CPSF2: variants seen among roughly 807,000 people sequenced by gnomAD.
CPSF2 encodes cleavage and polyadenylation specificity factor subunit 2.
In CPSF2, 51 loss-of-function variants were observed where a neutral mutation model predicts 84.2. The ratio of observed to expected loss-of-function variants is 0.61; its 90% CI spans 0.48 to 0.77. The LOEUF (loss-of-function observed/expected upper bound fraction) is 0.77. Among genes scored for constraint, CPSF2 ranks in the 30% least tolerant of loss-of-function variants. The probability of loss-of-function intolerance (pLI) is 0.00; values close to 1 mark genes in which losing one functional copy is unlikely to be tolerated. For synonymous variants in CPSF2, 286 were observed against 311.9 expected, an observed-to-expected ratio of 0.92 and a Z score of 0.87; for missense variants, 641 against 929.4, an observed-to-expected ratio of 0.69 and a Z score of 4.03.
intron 2 of CPSF2, 67 bp downstream of exon 2, chr14:92,126,247 A>T (rs974750835): frequency 6.6e-6 from 1 of 152,238 alleles, no homozygotes; most frequent in Non-Finnish European, 1.5e-5. Context: ...ATATCTTTTC[A>T]TCTGTTGAAA....
intron 13 of CPSF2, among the ~76,000 whole-genome samples, chr14:92,158,732 T>C (rs1369464275): frequency 6.6e-6 from 1 of 152,208 alleles, no homozygotes; most frequent in Non-Finnish European, 1.5e-5. Flanking sequence ...CGCTCTGATA[T>C]ACTTTTTGTT....
chr14:92,130,576 C>G (rs989579053), intron 2 of CPSF2, among the ~76,000 whole-genome samples: 1 of 152,072 alleles, frequency 6.6e-6, no homozygotes, highest in African/African-American at 2.4e-5. Context: ...TACATGTATA[C>G]TAATACTAAT....
chr14:92,123,384 G>A (rs28698177), intron 1 of CPSF2, among the ~76,000 whole-genome samples: 1 of 151,460 alleles, frequency 6.6e-6, no homozygotes, highest in African/African-American at 2.4e-5. Context: ...GATTACAGGC[G>A]TGAGCCACCG....
intron 8 of CPSF2, 151 bp from the exon 9 acceptor site, chr14:92,142,853 G>A (rs1263930768): frequency 1.5e-6 from 1 of 686,580 alleles, no homozygotes; most frequent in Non-Finnish European, 2.4e-6. Context: ...AATGGGAAAT[G>A]GAAGCAGAAA....
intron 2 of CPSF2, among the ~76,000 whole-genome samples, chr14:92,126,673 C>T (rs149025166): frequency 2.2e-4 from 34 of 151,958 alleles, no homozygotes; most frequent in African/African-American, 7.7e-4. Context: ...TGTGGTGGTG[C>T]GTGCCCGTAG....
intron 1 of CPSF2, among the ~76,000 whole-genome samples, chr14:92,122,641 TC>T (rs559378635): frequency 1.4e-3 from 211 of 152,320 alleles, no homozygotes; most frequent in African/African-American, 5.0e-3. Flanking sequence ...CTTCGCGCCC[TC>T]CCGCCATCGC....
chr14:92,155,055 A>C, intron 10 of CPSF2, 68 bp from the exon 11 acceptor site: 2 of 1,020,906 alleles, frequency 2.0e-6, no homozygotes, highest in East Asian at 5.3e-5. Context: ...TCAGTAATAA[A>C]TTGATAAATA....
chr14:92,125,176 A>G (rs2068829893), intron 1 of CPSF2, among the ~76,000 whole-genome samples: 1 of 152,180 alleles, frequency 6.6e-6, no homozygotes, highest in Non-Finnish European at 1.5e-5. Context: ...TACTGGAGGC[A>G]GAGAAACTGA....
chr14:92,156,376 T>G, intron 11 of CPSF2, 103 bp from the exon 12 acceptor site: 295 of 769,066 alleles, frequency 3.8e-4, no homozygotes, highest in Non-Finnish European at 4.8e-4. Context: ...ATTTAAATCT[T>G]GAGATATGTG....
chr14:92,165,092 T>A lies in CPSF2; in HGVS notation c.*3348T>A, dbSNP rs1197606070. ...ATGTTTTCAGAGTGCATCACTGTTG[T>A]AACATGTATCAGTACCCTTTTTGTG... On this transcript the variant is annotated 3_prime_UTR_variant, in exon 16 of 16. Transcript: ENST00000298875. 1 of 152,258 alleles carries A rather than the reference T, an allele frequency of 6.6e-6. No homozygotes were observed. Among genetic ancestry groups the A allele is most frequent in the Admixed American group, 6.5e-5 (1 of 15,286 alleles). The allele number at this position is 152,258 out of a possible 1,614,324, so 9.4% of individuals were successfully genotyped here.
chr14:92,143,009 A>G lies in CPSF2; in HGVS notation c.855A>G (p.Glu285=), dbSNP rs1464792764. ...CATCTTTCCCCCCATGTTAGGTAGA[A>G]TGGATGAGTGATAAATTGATGAGAT... is the stretch of plus-strand genomic sequence containing the variant. The part of the protein sequence containing the change: ...NVVEFSKSQV[E]WMSDKLMRCF... The change falls in exon 9 of 16, where the codon GAA becomes GAG. Residue 285 remains glutamate, a synonymous_variant. Coordinates refer to ENST00000298875, the MANE Select transcript of CPSF2 (RefSeq NM_017437.3). 1.2e-6 allele frequency: 2 copies of G among 1,608,658 alleles called. No homozygotes were observed. Among genetic ancestry groups the G allele is most frequent in the African/African-American group, 1.3e-5 (1 of 74,870 alleles).
chr14:92,159,306 G>T (rs775236277), intron 14 of CPSF2, 24 bp downstream of exon 14: 27 of 1,535,600 alleles, frequency 1.8e-5, no homozygotes, highest in South Asian at 5.0e-5. Flanking sequence ...GTGCTTTTTT[G>T]ATTTCTTCCT....
In CPSF2 at chr14:92,159,262, G is replaced by C. The variant is rs769279245; in HGVS notation, c.2101G>C (p.Glu701Gln). 2.5e-6 allele frequency: 4 copies of C among 1,603,330 alleles called. 1 individual carries two copies. The South Asian group carries it at 4.5e-5, about 18-fold the overall frequency. Residue 701 changes from glutamate to glutamine, a missense_variant, in exon 14 of 16, where the codon GAA becomes CAA. Around this residue, in one of 2 missense-constraint regions of CPSF2, gnomAD observed 430 missense variants for 553.6 expected, o/e 0.78. Coordinates refer to ENST00000298875, the MANE Select transcript of CPSF2 (RefSeq NM_017437.3). ...AGAAAGTGAGATCATTCCTACTTTG[G>C]AACCCTTGCCACCTCATGAGGTAAA... ...GEESEIIPTLEPLPPHEVPGH... is the reference protein window; with the variant it reads ...GEESEIIPTLQPLPPHEVPGH...
Position 92,134,190 on chromosome 14 carries a change from A to C in CPSF2, c.309+20A>C. On this transcript the variant is annotated intron_variant, in intron 4 of 15. Transcript: ENST00000298875. Reference sequence around the variant, plus strand: ...TATCAGGTAATTTAAGCAATTAAAAAAATTTTGTTAGCACTCCTTCAGTGA... The same window carrying C: ...TATCAGGTAATTTAAGCAATTAAAACAATTTTGTTAGCACTCCTTCAGTGA... 6.2e-7 allele frequency: 1 copy of C among 1,613,354 alleles called. No homozygotes were observed. Among genetic ancestry groups the C allele is most frequent in the Non-Finnish European group, 8.5e-7 (1 of 1,179,336 alleles).
At chr14:92,137,838 C>T (rs991895452) in intron 6 of CPSF2, among the ~76,000 whole-genome samples, 1 of 151,890 alleles carries the variant, frequency 6.6e-6, no homozygotes, top group African/African-American at 2.4e-5. Context: ...TTTTTATGTC[C>T]TGGGTAAAAA....
chr14:92,128,474 T>G (rs1393322630), intron 2 of CPSF2, among the ~76,000 whole-genome samples: 1 of 152,088 alleles, frequency 6.6e-6, no homozygotes, highest in Admixed American at 6.6e-5. Flanking sequence ...AGAGTGAGAC[T>G]CCGTCTCAAA....
At chr14:92,135,717 C>T (rs1484248234) in intron 6 of CPSF2, among the ~76,000 whole-genome samples, 1 of 152,220 alleles carries the variant, frequency 6.6e-6, no homozygotes, top group African/African-American at 2.4e-5. Context: ...TAAGTATACA[C>T]TCTACAAAAC....
intron 9 of CPSF2, among the ~76,000 whole-genome samples, chr14:92,144,797 G>T (rs1195764939): frequency 1.3e-5 from 2 of 152,148 alleles, no homozygotes; most frequent in African/African-American, 4.8e-5. Flanking sequence ...CTCACGGTAA[G>T]GTAATTGTAT....
At position 92,154,404 on chromosome 14, in the gene CPSF2, T is replaced by C; in HGVS notation, c.1187T>C (p.Leu396Ser). The C allele has an allele frequency of 6.2e-7, 1 of 1,610,392 alleles. No individual in the cohort carries two copies. Among genetic ancestry groups the C allele is most frequent in the Non-Finnish European group, 8.5e-7 (1 of 1,178,968 alleles). Residue 396 changes from leucine to serine, a missense_variant, in exon 10 of 16, where the codon TTG becomes TCG. By Grantham distance (145) the Leu-to-Ser change is moderately radical. This residue lies in a region of CPSF2 where 430 missense variants were observed against 553.6 expected (regional missense o/e 0.78). Transcript: ENST00000298875. The part of the protein sequence containing the change: ...KLEGKELEEY[L>S]EKEKLKKEAA... ...GAAGGGAAAGAACTTGAAGAATACT[T>C]GGAAAAAGAGAAACTAAAGAAAGAA...
Sources: allele counts gnomAD v4.1 joint callset (sites outside exome capture counted in the v4.1 genomes callset), GRCh38; gene constraint gnomAD v4.1.1; regional missense constraint gnomAD v4.1.1; transcripts MANE v1.5; gene names NCBI Gene and HGNC (gene_info 2026-07-23, HGNC 2026-07-21).